Variants in FAP observed in about 807,000 individuals in gnomAD.
FAP encodes the protein fibroblast activation protein alpha.
A neutral mutation model predicts 126.5 loss-of-function variants in FAP; 110 were observed. That is an observed-to-expected ratio of 0.87 (90% CI 0.74 to 1.02). The LOEUF is 1.02. Ranked by LOEUF, FAP falls within the 50% of genes least tolerant of loss-of-function variation. The pLI, the probability that FAP is intolerant of heterozygous loss-of-function variation, is 0.00. For synonymous variants in FAP, 334 were observed against 297.3 expected, an observed-to-expected ratio of 1.12 and a Z score of -1.27; for missense variants, 919 against 909.2, an observed-to-expected ratio of 1.01 and a Z score of -0.14.
intron 2 of FAP, among the ~76,000 whole-genome samples, chr2:162,233,025 G>T (rs1689960354): frequency 6.6e-6 from 1 of 152,064 alleles, no homozygotes; most frequent in African/African-American, 2.4e-5. Context: ...GTTCTCCCAA[G>T]GTTTCTACTA....
At chr2:162,187,577 A>G (rs2106226007) in intron 20 of FAP, among the ~76,000 whole-genome samples, 1 of 152,220 alleles carries the variant, frequency 6.6e-6, no homozygotes, top group Non-Finnish European at 1.5e-5. Context: ...AAATATATAT[A>G]GTTGAGAAGA....
Position 162,183,404 on chromosome 2 carries a change from A to C in FAP, c.1869+10T>G. The C allele has an allele frequency of 6.3e-7, 1 of 1,597,960 alleles. No homozygotes were observed. The highest frequency in any genetic ancestry group is 8.6e-7 in the Non-Finnish European group (1 of 1,168,206). ...TGAATAACAGGCATAAAAAATATAA[A>C]ACAACTCACCCAGCCCCATATGGCT... On this transcript the variant is annotated intron_variant, in intron 21 of 25. Coordinates refer to ENST00000188790, the MANE Select transcript of FAP (RefSeq NM_004460.5).
intron 12 of FAP, among the ~76,000 whole-genome samples, chr2:162,207,287 G>T (rs2106256134): frequency 6.6e-6 from 1 of 152,302 alleles, no homozygotes; most frequent in Non-Finnish European, 1.5e-5. Flanking sequence ...GGTGCCTTGG[G>T]AGAGTGTAAA....
In FAP at chr2:162,190,423, C is replaced by T. The variant is rs904033168; in HGVS notation, c.1451-669G>A. ...ACACACACACACACACAAACACACACTATGCTCTTTCTCTGTCTTAAATCT... is the reference window on the plus strand; with the variant it reads ...ACACACACACACACACAAACACACATTATGCTCTTTCTCTGTCTTAAATCT... On this transcript the variant is annotated intron_variant, in intron 17 of 25. Transcript: ENST00000188790. 7.2e-5 allele frequency among the ~76,000 whole-genome samples: 11 copies of T among 152,014 alleles called. No individual in the cohort carries two copies. The South Asian group carries it at 1.7e-3, about 23-fold the overall frequency.
In FAP at chr2:162,239,820, C is replaced by T. The variant is rs534920800; in HGVS notation, c.91+3088G>A. 4.6e-4 allele frequency among the ~76,000 whole-genome samples: 70 copies of T among 152,276 alleles called. 3 individuals carry two copies. The South Asian group carries it at 0.014, about 31-fold the overall frequency. ...GTCAAATAGTTCCTATGATTTCTTT[C>T]TATAAGCCAAGGAGGAATGGTCCAG... is the stretch of plus-strand genomic sequence containing the variant. On this transcript the variant is annotated intron_variant, in intron 2 of 25. Transcript: ENST00000188790.
intron 16 of FAP, among the ~76,000 whole-genome samples, chr2:162,195,881 G>A (rs1228539389): frequency 6.6e-6 from 1 of 152,096 alleles, no homozygotes; most frequent in Admixed American, 6.6e-5. Flanking sequence ...GATAGGGTGA[G>A]GATGCTACCT....
rs549730863 is a variant in FAP at position 162,238,657 on chromosome 2, C to T, written c.91+4251G>A. On this transcript the variant is annotated intron_variant, in intron 2 of 25. Transcript: ENST00000188790. The stretch of plus-strand genomic sequence containing the variant: ...GAATAGTGAAAAAATAAGCTTAAAA[C>T]TCTTAAGATGTTTGAGGGACTCTGT... Among the ~76,000 whole-genome samples the T allele has an allele frequency of 1.2e-4, 18 of 152,240 alleles. No individual in the cohort carries two copies. The South Asian group carries it at 3.5e-3, about 30-fold the overall frequency.
chr2:162,242,760 A>G (rs1320756074), intron 2 of FAP, 148 bp downstream of exon 2: 2 of 628,398 alleles, frequency 3.2e-6, no homozygotes, highest in Non-Finnish European at 5.7e-6. Flanking sequence ...GCACAACAAC[A>G]TATCTGTGAG....
chr2:162,219,144 G>A lies in FAP; in HGVS notation c.526C>T (p.Pro176Ser). 2 of 1,607,198 alleles carry A rather than the reference G, an allele frequency of 1.2e-6. No individual in the cohort carries two copies. Among genetic ancestry groups the A allele is most frequent in the Non-Finnish European group, 1.7e-6 (2 of 1,176,052 alleles). ...YQNNIYLKQR[P>S]GDPPFQITFN... is the part of the protein sequence containing the mutation. Reference sequence around the variant, plus strand: ...GTTATTTGAAAAGGTGGATCTCCTGGTCTTTGTTTCAAATAGATATTGTTT... The same window carrying A: ...GTTATTTGAAAAGGTGGATCTCCTGATCTTTGTTTCAAATAGATATTGTTT... The change falls in exon 8 of 26, where the codon CCA becomes TCA. Residue 176 changes from proline (P) to serine (S), a missense_variant. By Grantham distance (74) the Pro-to-Ser change is moderately conservative. Transcript: ENST00000188790.
chr2:162,227,963 C>A (rs774455141), intron 2 of FAP, among the ~76,000 whole-genome samples: 1 of 152,144 alleles, frequency 6.6e-6, no homozygotes, highest in Non-Finnish European at 1.5e-5. Flanking sequence ...CTTGCTTTTA[C>A]AACACTCCTC....
chr2:162,203,111 G>T lies in FAP; in HGVS notation c.1082C>A (p.Ala361Asp). The T allele has an allele frequency of 6.2e-7, 1 of 1,613,038 alleles. No homozygotes were observed. Among genetic ancestry groups the T allele is most frequent in the African/African-American group, 1.3e-5 (1 of 75,014 alleles). The change falls in exon 13 of 26, where the codon GCC (alanine) becomes GAC (aspartate). Residue 361 changes from alanine (A) to aspartate (D), a missense_variant. Transcript: ENST00000188790. ...FVSTPVFSYD[A>D]ISYYKIFSDK... The stretch of plus-strand genomic sequence containing the variant: ...ACTAAATATTTTGTAGTACGAAATG[G>T]CATCATAGCTGAAAACTGGTGTTGA...
chr2:162,243,039 T>C, intron 1 of FAP, 47 bp from the exon 2 acceptor site: 1 of 1,468,804 alleles, frequency 6.8e-7, no homozygotes, highest in Non-Finnish European at 9.4e-7. Flanking sequence ...TCCTGCTAAA[T>C]AGTAGAAATG....
chr2:162,170,719 A>C lies in FAP; in HGVS notation c.*260T>G, dbSNP rs988208381. The C allele has an allele frequency of 2.7e-6, 1 of 370,870 alleles. No individual in the cohort carries two copies. 23.0% of individuals were successfully genotyped at this position (370,870 alleles called of 1,614,324 possible). A position where few individuals can be genotyped will look rare whatever the true frequency, so the allele number is the denominator to read the frequency against. ...ACTTCTGACTTTATTATTTTTCTTC[A>C]AATGAACAGGTGATAAAACACTGTG... On this transcript the variant is annotated 3_prime_UTR_variant, in exon 26 of 26. Coordinates refer to ENST00000188790, the MANE Select transcript of FAP (RefSeq NM_004460.5).
chr2:162,224,449 AATTAAAT>A lies in FAP; in HGVS notation c.360+10_360+16del. 1 of 1,498,474 alleles carries A rather than the reference AATTAAAT, an allele frequency of 6.7e-7. No individual in the cohort carries two copies. The highest frequency in any genetic ancestry group is 1.2e-5 in the South Asian group (1 of 83,182). 92.8% of individuals were successfully genotyped at this position (1,498,474 alleles called of 1,614,324 possible). On this transcript the variant is annotated intron_variant, in intron 5 of 25. Coordinates refer to ENST00000188790, the MANE Select transcript of FAP (RefSeq NM_004460.5). Reference sequence around the variant, plus strand: ...TAGGAGATACAATTGGATATAACCAAATTAAATAGTTGATACCTTTGAATAATCACTT... The same window carrying A: ...TAGGAGATACAATTGGATATAACCAAAGTTGATACCTTTGAATAATCACTT...
intron 21 of FAP, among the ~76,000 whole-genome samples, chr2:162,181,044 G>A (rs571629907): frequency 3.3e-5 from 5 of 152,280 alleles, no homozygotes; most frequent in African/African-American, 4.8e-5. Flanking sequence ...GGAGGCTGAG[G>A]TAAGTGAATT....
At chr2:162,199,092 G>A (rs1258309033) in intron 15 of FAP, among the ~76,000 whole-genome samples, 1 of 152,134 alleles carries the variant, frequency 6.6e-6, no homozygotes, top group Non-Finnish European at 1.5e-5. Flanking sequence ...CAAACCTTGA[G>A]GAAGAAGCCC....
intron 12 of FAP, among the ~76,000 whole-genome samples, chr2:162,206,480 C>A (rs533932674): frequency 6.6e-6 from 1 of 152,156 alleles, no homozygotes; most frequent in Non-Finnish European, 1.5e-5. Context: ...AGTGCACATT[C>A]GGTCAAAAGC....
chr2:162,243,356 A>G lies in FAP; in HGVS notation c.-29T>C, dbSNP rs1376970179. The G allele has an allele frequency of 6.2e-7, 1 of 1,610,510 alleles. No individual in the cohort carries two copies. The highest frequency in any genetic ancestry group is 8.5e-7 in the Non-Finnish European group (1 of 1,178,386). ...TCCAGATGTTTTTGAAAGTTAGCTAATTCTGTCTTCAGAGCGTGGGTCACT... is the reference window on the plus strand; with the variant it reads ...TCCAGATGTTTTTGAAAGTTAGCTAGTTCTGTCTTCAGAGCGTGGGTCACT... On this transcript the variant is annotated 5_prime_UTR_variant, in exon 1 of 26. Coordinates refer to ENST00000188790, the MANE Select transcript of FAP (RefSeq NM_004460.5).
intron 21 of FAP, among the ~76,000 whole-genome samples, chr2:162,178,863 T>A (rs1037085491): frequency 2.0e-5 from 3 of 152,216 alleles, no homozygotes; most frequent in Non-Finnish European, 2.9e-5. Flanking sequence ...GTAAACCTCA[T>A]GGTAATTTTC....
Sources: gnomAD v4.1 joint callset for allele counts (sites outside exome capture counted in the v4.1 genomes callset) on GRCh38, gnomAD v4.1.1 for gene constraint, MANE v1.5 for transcripts, NCBI Gene and HGNC (gene_info 2026-07-23, HGNC 2026-07-21) for gene names.